DOCK5: variants seen among roughly 807,000 people sequenced by gnomAD.
DOCK5 encodes the protein dedicator of cytokinesis protein 5.
In DOCK5, 142 loss-of-function variants were observed where a neutral mutation model predicts 251.8. That is an observed-to-expected ratio of 0.56 (90% confidence interval 0.49 to 0.65). The LOEUF (loss-of-function observed/expected upper bound fraction) is 0.65, where lower values mean the gene tolerates loss of function less well. DOCK5 is among the 30% of genes least tolerant of loss of function. DOCK5 has a pLI of 0.00. For missense variants in DOCK5, 2,111 were observed against 2,312.3 expected (o/e 0.91, Z 1.79); for synonymous variants, 842 against 835.5 (o/e 1.01, Z -0.13).
In DOCK5 at chr8:25,380,372, A is replaced by C. The variant is rs769116711; in HGVS notation, c.4004A>C (p.Tyr1335Ser). The stretch of plus-strand genomic sequence containing the variant: ...ACTTACGAAAGCAAAGTATTTGACT[A>C]CGAGGGCCTTGGCAACCTCCTGGTG... ...AETYESKVFD[Y>S]EGLGNLLKKR... is the part of the protein sequence containing the mutation. The change falls in exon 39 of 52, where the codon TAC (tyrosine) becomes TCC (serine). Residue 1335 changes from tyrosine (Y) to serine (S), a missense_variant. Physicochemically the swap from Tyr to Ser is moderately radical, Grantham distance 144. Around this residue, in one of 3 missense-constraint regions of DOCK5, gnomAD observed 1,717 missense variants for 1,892.4 expected, o/e 0.91. Transcript: ENST00000276440. The C allele has an allele frequency of 8.7e-6, 14 of 1,610,458 alleles. No individual in the cohort carries two copies. In the Admixed American group the frequency reaches 1.0e-4, roughly 12 times the overall value.
rs1372013652 is a variant in DOCK5 at position 25,334,103 on chromosome 8, T to G, written c.2099T>G (p.Ile700Ser). The G allele has an allele frequency of 6.2e-7, 1 of 1,613,454 alleles. No individual in the cohort carries two copies. Among genetic ancestry groups the G allele is most frequent in the East Asian group, 2.2e-5 (1 of 44,864 alleles). The change falls in exon 21 of 52, where the codon ATT becomes AGT. Residue 700 changes from isoleucine to serine, a missense_variant. Around this residue, in one of 3 missense-constraint regions of DOCK5, gnomAD observed 1,717 missense variants for 1,892.4 expected, o/e 0.91. Transcript: ENST00000276440. ...ATTTTTCACTTTTGGCAGGTATTTA[T>G]TATTTCACTGATAGGAGACATCAAG... ...DFLVFDALVF[I>S]ISLIGDIKFQ...
chr8:25,269,650 A>G (rs1432537942), intron 3 of DOCK5, among the ~76,000 whole-genome samples: 1 of 152,014 alleles, frequency 6.6e-6, no homozygotes, highest in Non-Finnish European at 1.5e-5. Context: ...TTATGTTAAT[A>G]CCTCCCTCAG....
At chr8:25,392,939 CA>C (rs1452226615) in intron 44 of DOCK5, 57 bp downstream of exon 44, 2 of 1,429,060 alleles carry the variant, frequency 1.4e-6, no homozygotes, top group Non-Finnish European at 1.9e-6. Context: ...AATATAATAA[CA>C]GCCTTTGTTG....
At chr8:25,405,075 G>T (rs747881461) in intron 48 of DOCK5, among the ~76,000 whole-genome samples, 27 of 151,954 alleles carry the variant, frequency 1.8e-4, no homozygotes, top group Non-Finnish European at 3.5e-4. Context: ...TTGGCCCTTT[G>T]TCTGTGAAAT....
chr8:25,228,503 C>A (rs1281825726), intron 1 of DOCK5, among the ~76,000 whole-genome samples: 1 of 152,180 alleles, frequency 6.6e-6, no homozygotes, highest in African/African-American at 2.4e-5. Context: ...CCCACAATGG[C>A]AGCTCTGGTT....
intron 37 of DOCK5, 110 bp downstream of exon 37, chr8:25,374,764 C>T: frequency 6.3e-7 from 1 of 1,598,800 alleles, no homozygotes. Context: ...CCAGGAATAT[C>T]CTTTTATACA....
chr8:25,273,066 C>CATGACGCA (rs140826061), intron 3 of DOCK5, among the ~76,000 whole-genome samples: 8 of 151,710 alleles, frequency 5.3e-5, no homozygotes, highest in African/African-American at 1.9e-4. Flanking sequence ...AATCATTTGC[C>CATGACGCA]GTGGCGCAGT....
At chr8:25,210,041 T>A (rs540395140) in intron 1 of DOCK5, among the ~76,000 whole-genome samples, 1 of 17,328 alleles carries the variant, frequency 5.8e-5, no homozygotes, top group African/African-American at 2.8e-4. Flanking sequence ...TATAAATGTG[T>A]GTGTGTGTGT....
At chr8:25,310,596 G>A (rs547773271) in intron 13 of DOCK5, 64 bp downstream of exon 13, 32 of 1,497,688 alleles carry the variant, frequency 2.1e-5, no homozygotes, top group Admixed American at 1.2e-4. Context: ...CTTATTGGAC[G>A]GTGGAGGCAA....
intron 16 of DOCK5, 117 bp downstream of exon 16, chr8:25,321,169 A>G (rs1805415374): frequency 1.2e-6 from 1 of 839,458 alleles, no homozygotes. Context: ...TGGCAGCTGT[A>G]TTTTGTAACT....
intron 1 of DOCK5, 65 bp downstream of exon 1, chr8:25,185,016 G>C: frequency 7.8e-7 from 1 of 1,285,834 alleles, no homozygotes; most frequent in Non-Finnish European, 9.9e-7. Flanking sequence ...CAGCGGCCCT[G>C]CCAGGTTTGC....
intron 47 of DOCK5, 44 bp from the exon 48 acceptor site, chr8:25,403,514 C>T (rs1801472321): frequency 1.2e-6 from 2 of 1,602,240 alleles, no homozygotes; most frequent in Middle Eastern, 1.9e-4. Context: ...TTCATAGGGG[C>T]TGGATTCCAG....
chr8:25,280,226 G>A (rs990974512), intron 5 of DOCK5, among the ~76,000 whole-genome samples: 2 of 152,194 alleles, frequency 1.3e-5, no homozygotes, highest in Non-Finnish European at 2.9e-5. Flanking sequence ...CAAGTTCAGG[G>A]AGGTTGTAGA....
Position 25,412,723 on chromosome 8 carries a change from C to T in DOCK5, c.*1425C>T, listed in dbSNP as rs1168265456. On this transcript the variant is annotated 3_prime_UTR_variant, in exon 52 of 52. Coordinates refer to ENST00000276440, the MANE Select transcript of DOCK5 (RefSeq NM_024940.8). ...CCCACAACCTTGCCCAGAGTCCTTT[C>T]CACTAAGGAGGTGAAGAGAACAGAG... The T allele has an allele frequency of 6.6e-6, 1 of 152,204 alleles. No homozygotes were observed. Among genetic ancestry groups the T allele is most frequent in the Non-Finnish European group, 1.5e-5 (1 of 68,036 alleles). 9.4% of individuals were successfully genotyped at this position (152,204 alleles called of 1,614,324 possible). A position where few individuals can be genotyped will look rare whatever the true frequency, so the allele number is the denominator to read the frequency against.
intron 5 of DOCK5, among the ~76,000 whole-genome samples, chr8:25,285,217 C>T (rs893278473): frequency 3.3e-5 from 5 of 151,968 alleles, no homozygotes; most frequent in Non-Finnish European, 5.9e-5. Flanking sequence ...GAGATCTTGG[C>T]GCACTGCAAC....
chr8:25,297,015 A>C (rs1303736851), intron 7 of DOCK5, among the ~76,000 whole-genome samples: 2 of 152,124 alleles, frequency 1.3e-5, no homozygotes, highest in Admixed American at 6.6e-5. Context: ...GGTGGGAGGG[A>C]GACTTCTTAA....
intron 13 of DOCK5, among the ~76,000 whole-genome samples, chr8:25,312,391 A>G (rs1805123762): frequency 6.6e-6 from 1 of 152,184 alleles, no homozygotes; most frequent in Admixed American, 6.5e-5. Flanking sequence ...CTTGTAAAAG[A>G]ACATTTAGTT....
intron 26 of DOCK5, among the ~76,000 whole-genome samples, chr8:25,348,855 T>A (rs4590446): frequency 0.051 from 7,668 of 149,482 alleles, 634 homozygotes; most frequent in African/African-American, 0.17. Flanking sequence ...AAAAAAAAAA[T>A]TTATGTACCA....
intron 17 of DOCK5, among the ~76,000 whole-genome samples, chr8:25,324,602 G>C (rs1805512650): frequency 6.6e-6 from 1 of 152,164 alleles, no homozygotes; most frequent in South Asian, 2.1e-4. Context: ...GGAAGGGATG[G>C]CAAGCTAATT....
Sources: allele counts gnomAD v4.1 joint callset (sites outside exome capture counted in the v4.1 genomes callset), GRCh38; gene constraint gnomAD v4.1.1; regional missense constraint gnomAD v4.1.1; transcripts MANE v1.5; gene names NCBI Gene and HGNC (gene_info 2026-07-23, HGNC 2026-07-21).